The following TGM2 variants were observed in gnomAD, a reference collection of about 807,000 sequenced individuals.
The protein encoded by TGM2 is transglutaminase 2.
TGM2 carries 53 observed loss-of-function variants against 75.6 expected under a neutral mutation model. That is an observed-to-expected ratio of 0.70 (90% CI 0.56 to 0.88). The LOEUF is 0.88. TGM2 is among the 40% of genes least tolerant of loss of function. The pLI is 0.00. For synonymous variants in TGM2, 374 were observed against 381.1 expected (o/e 0.98, Z 0.22); for missense variants, 842 against 928.5 (o/e 0.91, Z 1.21).
At chr20:38,145,199 C>G (rs972792039) in intron 6 of TGM2, among the ~76,000 whole-genome samples, 1 of 152,142 alleles carries the variant, frequency 6.6e-6, no homozygotes, top group Non-Finnish European at 1.5e-5. Context: ...GCTGCCCTGA[C>G]CCAGCCTGCT....
intron 2 of TGM2, among the ~76,000 whole-genome samples, chr20:38,158,720 G>A (rs1208364217): frequency 6.6e-6 from 1 of 152,202 alleles, no homozygotes; most frequent in Non-Finnish European, 1.5e-5. Flanking sequence ...AAGAATGTGT[G>A]GGGTCAGGCC....
chr20:38,140,958 C>T lies in TGM2; in HGVS notation c.1099+324G>A, dbSNP rs564544208. On this transcript the variant is annotated intron_variant, in intron 8 of 12. Transcript: ENST00000361475. ...ATATATAAACACACACATATACACC[C>T]GCATACAAATACACGATTTGAAATC... Among the ~76,000 whole-genome samples, 5 of 152,064 alleles carry T rather than the reference C, an allele frequency of 3.3e-5. No homozygotes were observed. The South Asian group carries it at 8.3e-4, about 25-fold the overall frequency.
chr20:38,167,338 C>G (rs989023657), upstream of TGM2, among the ~76,000 whole-genome samples: 1 of 152,084 alleles, frequency 6.6e-6, no homozygotes. Context: ...CAGGGAGCCA[C>G]CTAAGTATTT....
At chr20:38,165,620 A>G (rs935477796), upstream of TGM2, among the ~76,000 whole-genome samples, 1 of 151,978 alleles carries the variant, frequency 6.6e-6, no homozygotes, top group Non-Finnish European at 1.5e-5. Flanking sequence ...CTGGACACAC[A>G]GATGTGGACT....
At chr20:38,150,353 T>G (rs1015929080) in intron 4 of TGM2, among the ~76,000 whole-genome samples, 2 of 152,102 alleles carry the variant, frequency 1.3e-5, no homozygotes, top group African/African-American at 2.4e-5. Flanking sequence ...TGAGAAATAA[T>G]AAGTGATTGT....
chr20:38,131,555 A>G (rs45532832), intron 11 of TGM2, among the ~76,000 whole-genome samples: 2,044 of 152,108 alleles, frequency 0.013, 40 homozygotes, highest in African/African-American at 0.046. Flanking sequence ...TCACTGTGTG[A>G]CCTGGGGAAG....
In TGM2 at chr20:38,139,544, A is replaced by G. The variant is rs769712464; in HGVS notation, c.1210T>C (p.Trp404Arg). The G allele has an allele frequency of 6.2e-7, 1 of 1,614,222 alleles. No individual in the cohort carries two copies. Among genetic ancestry groups the G allele is most frequent in the Non-Finnish European group, 8.5e-7 (1 of 1,180,048 alleles). The change falls in exon 9 of 13, where the codon TGG (tryptophan) becomes CGG (arginine). Residue 404 changes from tryptophan (W) to arginine (R), a missense_variant. Coordinates refer to ENST00000361475, the MANE Select transcript of TGM2 (RefSeq NM_004613.4). ...ACAGACCCATCGTCCTGCTGGATCC[A>G]GTCTACCACGTCGGCATTGACCTCC... ...FAEVNADVVD[W>R]IQQDDGSVHK...
intron 3 of TGM2, among the ~76,000 whole-genome samples, chr20:38,153,339 A>C (rs1715168462): frequency 6.6e-6 from 1 of 152,078 alleles, no homozygotes; most frequent in Admixed American, 6.5e-5. Flanking sequence ...AGCCTGGCCA[A>C]CATGGTGAAA....
intron 12 of TGM2, 23 bp downstream of exon 12, chr20:38,131,070 A>T: frequency 3.1e-6 from 5 of 1,610,468 alleles, no homozygotes; most frequent in Non-Finnish European, 3.4e-6. Flanking sequence ...CCAGGCCCCA[A>T]AGCTAGAGCA....
At position 38,127,713 on chromosome 20, in the gene TGM2, A is replaced by G. The variant is rs1352832622; in HGVS notation, c.*2506T>C. 1.3e-5 allele frequency: 2 copies of G among 152,230 alleles called. No homozygotes were observed. The highest frequency in any genetic ancestry group is 6.5e-5 in the Admixed American group (1 of 15,290). The allele number at this position is 152,230 out of a possible 1,614,324, so 9.4% of individuals were successfully genotyped here. ...AAGGTCAAATACCTTACTAATTCTT[A>G]TATTGATTACATGTTGAAATAATGT... is the stretch of plus-strand genomic sequence containing the variant. On this transcript the variant is annotated 3_prime_UTR_variant, in exon 13 of 13. Transcript: ENST00000361475.
At chr20:38,154,085 CGGGATTACAGGTGT>C (rs796814041) in intron 3 of TGM2, among the ~76,000 whole-genome samples, 140 of 152,124 alleles carry the variant, frequency 9.2e-4, no homozygotes, top group Middle Eastern at 3.4e-3. Flanking sequence ...CTCAAAGTGC[CGGGATTACAGGTGT>C]GGGATTACAG....
chr20:38,138,682 G>A (rs2074931599), intron 9 of TGM2, among the ~76,000 whole-genome samples: 1 of 152,174 alleles, frequency 6.6e-6, no homozygotes, highest in South Asian at 2.1e-4. Flanking sequence ...CTGCTCGAGG[G>A]CTAAGGCTGT....
At chr20:38,155,159 A>C in intron 3 of TGM2, among the ~76,000 whole-genome samples, 1 of 150,680 alleles carries the variant, frequency 6.6e-6, no homozygotes, top group Non-Finnish European at 1.5e-5. Context: ...GCCCCATGAA[A>C]CAGAACCAGG....
chr20:38,149,728 C>T (rs1045910790), intron 4 of TGM2, among the ~76,000 whole-genome samples: 29 of 136,384 alleles, frequency 2.1e-4, no homozygotes, highest in Non-Finnish European at 9.3e-5. Context: ...AAAGGAAGAA[C>T]TTGACTTTGT....
rs1235460507 is a variant in TGM2, at chr20:38,163,701, G to A, written c.10+1488C>T. Among the ~76,000 whole-genome samples the A allele has an allele frequency of 3.3e-5, 5 of 152,204 alleles. No individual in the cohort carries two copies. The South Asian group carries it at 1.0e-3, about 32-fold the overall frequency. The stretch of plus-strand genomic sequence containing the variant: ...TCTGCGCCACTGAAGTATCAGGGAT[G>A]TCGGTCCCCGTGTAATCACAACAGA... On this transcript the variant is annotated intron_variant, in intron 1 of 12. Transcript: ENST00000361475.
At position 38,132,908 on chromosome 20, in the gene TGM2, G is replaced by A. The variant is rs1201091062; in HGVS notation, c.1616-408C>T. On this transcript the variant is annotated intron_variant, in intron 10 of 12. Coordinates refer to ENST00000361475, the MANE Select transcript of TGM2 (RefSeq NM_004613.4). The stretch of plus-strand genomic sequence containing the variant: ...TCGGGACTCAGGGTGTGTGAGCCGC[G>A]GGCCCTTCATCCTGGGGAGGATCAG... 1.1e-5 allele frequency: 5 copies of A among 454,930 alleles called. No homozygotes were observed. In the East Asian group the frequency reaches 2.8e-4, roughly 25 times the overall value. 28.2% of individuals were successfully genotyped at this position (454,930 alleles called of 1,614,324 possible).
chr20:38,162,069 C>A (rs1038618994), intron 1 of TGM2, among the ~76,000 whole-genome samples: 32 of 152,212 alleles, frequency 2.1e-4, no homozygotes, highest in Non-Finnish European at 4.1e-4. Flanking sequence ...ATGGCTCCTG[C>A]CTTGACCTAC....
chr20:38,153,006 G>A (rs2075132071), intron 3 of TGM2, among the ~76,000 whole-genome samples: 1 of 131,618 alleles, frequency 7.6e-6, no homozygotes, highest in Admixed American at 8.4e-5. Flanking sequence ...ACCCTCTGCA[G>A]ATTGACTAAA....
intron 10 of TGM2, among the ~76,000 whole-genome samples, chr20:38,137,278 A>T (rs2074911263): frequency 6.6e-6 from 1 of 152,124 alleles, no homozygotes; most frequent in South Asian, 2.1e-4. Flanking sequence ...TGAGGCCAGG[A>T]GTCCGAGACC....
Sources: gnomAD v4.1 joint callset for allele counts (sites outside exome capture counted in the v4.1 genomes callset) on GRCh38, gnomAD v4.1.1 for gene constraint, MANE v1.5 for transcripts, NCBI Gene and HGNC (gene_info 2026-07-23, HGNC 2026-07-21) for gene names.